NPSR1: variants seen among roughly 807,000 people sequenced by gnomAD.
NPSR1 encodes neuropeptide S receptor.
In NPSR1, 48 loss-of-function variants were observed where a neutral mutation model predicts 46.9. The ratio of observed to expected loss-of-function variants is 1.02; its 90% CI spans 0.81 to 1.30. The LOEUF is 1.30. Among genes scored for constraint, NPSR1 ranks in the 50% most tolerant of loss-of-function variants. The pLI is 0.00. For synonymous variants in NPSR1, 176 were observed against 168.1 expected (o/e 1.05, Z -0.36); for missense variants, 450 against 449.5 (o/e 1.00, Z -0.01).
chr7:34,877,981 G>T, intron 8 of NPSR1: 1 of 688,874 alleles, frequency 1.5e-6, no homozygotes, highest in Admixed American at 2.5e-5. Context: ...TATCTTATGA[G>T]AAATGACCAC....
At chr7:34,748,493 A>G (rs1785332737) in intron 2 of NPSR1, among the ~76,000 whole-genome samples, 1 of 151,988 alleles carries the variant, frequency 6.6e-6, no homozygotes, top group Non-Finnish European at 1.5e-5. Context: ...GCTGGGTTTT[A>G]TTTACTCTGG....
chr7:34,752,609 A>G (rs10243634), intron 2 of NPSR1, among the ~76,000 whole-genome samples: 74,276 of 151,988 alleles, frequency 0.49, 18,410 homozygotes, highest in East Asian at 0.56. Context: ...GGCCTGCCAC[A>G]ATTATGAGTG....
chr7:34,727,294 T>C (rs1488507688), intron 2 of NPSR1, among the ~76,000 whole-genome samples: 1 of 152,206 alleles, frequency 6.6e-6, no homozygotes, highest in Admixed American at 6.5e-5. Flanking sequence ...TTAAAATTCA[T>C]TTATAAACAG....
intron 2 of NPSR1, among the ~76,000 whole-genome samples, chr7:34,726,819 TAA>T (rs35968998): frequency 0.08 from 9,928 of 123,888 alleles, 906 homozygotes; most frequent in African/African-American, 0.24. Context: ...ATGAAGACAG[TAA>T]AAAAAAAAAA....
intron 6 of NPSR1, among the ~76,000 whole-genome samples, chr7:34,844,660 G>A (rs962388075): frequency 1.3e-5 from 2 of 152,320 alleles, no homozygotes; most frequent in Non-Finnish European, 2.9e-5. Context: ...AGTCTCTTGA[G>A]AGAGTCTGAG....
downstream of NPSR1, among the ~76,000 whole-genome samples, chr7:34,853,967 G>GA (rs35728366): frequency 0.37 from 51,640 of 140,790 alleles, 9,765 homozygotes; most frequent in African/African-American, 0.51. Context: ...ACTCTGCCTG[G>GA]AAAAAAAAAA....
intron 2 of NPSR1, among the ~76,000 whole-genome samples, chr7:34,690,705 C>T (rs147264415): frequency 5.3e-5 from 8 of 152,184 alleles, no homozygotes; most frequent in Non-Finnish European, 1.2e-4. Context: ...TTAAGAAATG[C>T]CTAGTGCCTT....
intron 3 of NPSR1, among the ~76,000 whole-genome samples, chr7:34,788,425 A>C (rs1787566540): frequency 6.6e-6 from 1 of 152,110 alleles, no homozygotes; most frequent in African/African-American, 2.4e-5. Context: ...AATTATTAAA[A>C]TGGCAATTTA....
At chr7:34,842,013 G>A (rs925174344) in intron 6 of NPSR1, among the ~76,000 whole-genome samples, 7 of 152,156 alleles carry the variant, frequency 4.6e-5, no homozygotes, top group African/African-American at 7.2e-5. Flanking sequence ...ACAATCAAAC[G>A]TAATAATACC....
chr7:34,740,364 C>T (rs1038440260), intron 2 of NPSR1, among the ~76,000 whole-genome samples: 2 of 151,584 alleles, frequency 1.3e-5, no homozygotes, highest in African/African-American at 4.9e-5. Flanking sequence ...TTCAGTACTT[C>T]CCCACCTGTG....
At chr7:34,871,007 C>T (rs1791441553) in intron 8 of NPSR1, among the ~76,000 whole-genome samples, 2 of 151,580 alleles carry the variant, frequency 1.3e-5, no homozygotes, top group Non-Finnish European at 2.9e-5. Context: ...TTGTGAATGG[C>T]TTAGTAGTGG....
intron 8 of NPSR1, among the ~76,000 whole-genome samples, chr7:34,858,833 G>A (rs1286403037): frequency 6.6e-6 from 1 of 151,748 alleles, no homozygotes; most frequent in Admixed American, 6.5e-5. Context: ...CACAACATGT[G>A]GGAATTATGG....
chr7:34,730,764 A>G (rs1248766292), intron 2 of NPSR1, among the ~76,000 whole-genome samples: 1 of 152,158 alleles, frequency 6.6e-6, no homozygotes, highest in Non-Finnish European at 1.5e-5. Flanking sequence ...TATAATCTAT[A>G]TCTATTTGGT....
chr7:34,684,713 A>C (rs1329482174), intron 2 of NPSR1, 29 bp downstream of exon 2: 2 of 1,577,080 alleles, frequency 1.3e-6, no homozygotes, highest in Admixed American at 1.9e-5. Context: ...GAGAGGCAGG[A>C]AGCTATATGT....
chr7:34,710,567 C>G (rs1284135903), intron 2 of NPSR1, among the ~76,000 whole-genome samples: 1 of 152,158 alleles, frequency 6.6e-6, no homozygotes, highest in Non-Finnish European at 1.5e-5. Flanking sequence ...GGAAGCCATT[C>G]TAACCTAGAA....
downstream of NPSR1, among the ~76,000 whole-genome samples, chr7:34,852,496 A>C (rs1374734174): frequency 3.3e-5 from 5 of 152,262 alleles, no homozygotes; most frequent in East Asian, 7.7e-4. Flanking sequence ...TCCCAGACAC[A>C]GGGAGGAATC....
chr7:34,732,287 G>A (rs1171460374), intron 2 of NPSR1, among the ~76,000 whole-genome samples: 1 of 152,076 alleles, frequency 6.6e-6, no homozygotes, highest in Non-Finnish European at 1.5e-5. Context: ...TCGCACTCTG[G>A]GGAATGCTGG....
At chr7:34,871,494 C>A (rs908333213) in intron 8 of NPSR1, 1 of 151,836 alleles carries the variant, frequency 6.6e-6, no homozygotes. Context: ...AAAATACAAT[C>A]ATACCTTTCC....
In NPSR1 at chr7:34,861,415, G is replaced by C. The variant is rs560913779; in HGVS notation, c.1025+12752G>C. On this transcript the variant is annotated intron_variant, in intron 8 of 8. Transcript: ENST00000359791. ...GTGCTTTCTAAGAGAGGCCCACCTA[G>C]ACTACATTGTTTAATACTGCAGCTG... Among the ~76,000 whole-genome samples the C allele has an allele frequency of 1.9e-4, 29 of 151,720 alleles. 1 individual carries two copies. Among genetic ancestry groups the C allele is most frequent in the African/African-American group, 6.6e-4 (27 of 41,082 alleles).
Sources: gnomAD v4.1 joint callset for allele counts (sites outside exome capture counted in the v4.1 genomes callset) on GRCh38, gnomAD v4.1.1 for gene constraint, MANE v1.5 for transcripts, NCBI Gene and HGNC (gene_info 2026-07-23, HGNC 2026-07-21) for gene names.